ATXN7L1: variants seen among roughly 807,000 people sequenced by gnomAD.
ATXN7L1 encodes the protein ataxin-7-like protein 1.
A neutral mutation model predicts 70.8 loss-of-function variants in ATXN7L1; 15 were observed. The ratio of observed to expected loss-of-function variants is 0.21; its 90% CI spans 0.14 to 0.33. The LOEUF is 0.33. Ranked by LOEUF, ATXN7L1 falls within the 10% of genes least tolerant of loss-of-function variation. ATXN7L1 has a pLI of 1.00. For synonymous variants in ATXN7L1, 440 were observed against 445.1 expected, an observed-to-expected ratio of 0.99 and a Z score of 0.14; for missense variants, 975 against 1,097.1, an observed-to-expected ratio of 0.89 and a Z score of 1.57.
intron 4 of ATXN7L1, among the ~76,000 whole-genome samples, chr7:105,648,535 A>G (rs1443030782): frequency 2.0e-5 from 3 of 152,370 alleles, no homozygotes; most frequent in East Asian, 3.9e-4. Flanking sequence ...TGGAAAGCCA[A>G]TCCCAGAGAT....
At chr7:105,792,688 A>T (rs760110248) in intron 2 of ATXN7L1, among the ~76,000 whole-genome samples, 1 of 152,150 alleles carries the variant, frequency 6.6e-6, no homozygotes, top group African/African-American at 2.4e-5. Flanking sequence ...TTCCAATTTC[A>T]TGTTTAGTGT....
At chr7:105,637,030 T>C (rs1797492023) in intron 7 of ATXN7L1, among the ~76,000 whole-genome samples, 1 of 152,168 alleles carries the variant, frequency 6.6e-6, no homozygotes, top group Non-Finnish European at 1.5e-5. Context: ...CACATGACAG[T>C]GAGAAGTCAT....
intron 7 of ATXN7L1, among the ~76,000 whole-genome samples, chr7:105,628,800 TAAATAAATA>T (rs1796135909): frequency 1.7e-5 from 1 of 59,948 alleles, no homozygotes; most frequent in Admixed American, 1.5e-4. Flanking sequence ...CTCAAATAAA[TAAATAAATA>T]AATAAATAAA....
At position 105,737,528 on chromosome 7, in the gene ATXN7L1, C is replaced by CGTGTGTGTGTGTGT. The variant is rs71520935; in HGVS notation, c.355+51062_355+51075dup. ...CTAGCATGCTGCCTACTAACGTCCC[C>CGTGTGTGTGTGTGT]GTGTGTGTGTGTGTGTGTGTGTGTG... On this transcript the variant is annotated intron_variant, in intron 3 of 11. Transcript: ENST00000419735. Among the ~76,000 whole-genome samples the CGTGTGTGTGTGTGT allele has an allele frequency of 6.9e-4, 103 of 148,718 alleles. 1 individual carries two copies. Among genetic ancestry groups the CGTGTGTGTGTGTGT allele is most frequent in the African/African-American group, 2.0e-3 (82 of 40,654 alleles).
At chr7:105,840,140 C>T (rs1812989142) in intron 2 of ATXN7L1, among the ~76,000 whole-genome samples, 1 of 152,166 alleles carries the variant, frequency 6.6e-6, no homozygotes, top group Non-Finnish European at 1.5e-5. Context: ...ACAAGGGCCA[C>T]AGTGAGGGGC....
chr7:105,809,010 G>A (rs1019862163), intron 2 of ATXN7L1, among the ~76,000 whole-genome samples: 2 of 152,192 alleles, frequency 1.3e-5, no homozygotes, highest in African/African-American at 4.8e-5. Context: ...CCAAAGAAGC[G>A]TGGATGCACC....
intron 2 of ATXN7L1, among the ~76,000 whole-genome samples, chr7:105,861,417 T>G (rs1319220408): frequency 1.4e-4 from 15 of 105,210 alleles, no homozygotes; most frequent in Admixed American, 2.1e-4. Flanking sequence ...GGGATGGGGG[T>G]GGGGGAGTGG....
intron 10 of ATXN7L1, 48 bp downstream of exon 10, chr7:105,613,813 TC>T: frequency 1.3e-6 from 2 of 1,551,300 alleles, no homozygotes; most frequent in Non-Finnish European, 1.7e-6. Flanking sequence ...GCTGCCCAGC[TC>T]CCCCTGCCCC....
At chr7:105,807,147 C>T (rs939470674) in intron 2 of ATXN7L1, among the ~76,000 whole-genome samples, 1 of 152,178 alleles carries the variant, frequency 6.6e-6, no homozygotes, top group African/African-American at 2.4e-5. Flanking sequence ...TTTCTGCTGC[C>T]CCACCACAAT....
chr7:105,709,835 T>G (rs1793655292), intron 3 of ATXN7L1, among the ~76,000 whole-genome samples: 1 of 152,090 alleles, frequency 6.6e-6, no homozygotes, highest in Non-Finnish European at 1.5e-5. Flanking sequence ...TCTCCTGATC[T>G]TCTGGTTTCC....
intron 2 of ATXN7L1, among the ~76,000 whole-genome samples, chr7:105,813,584 G>A (rs1327554835): frequency 2.0e-5 from 3 of 152,024 alleles, no homozygotes; most frequent in African/African-American, 7.2e-5. Flanking sequence ...TGATCCACCC[G>A]CCTCGGCCTC....
chr7:105,722,213 G>A (rs1261183731), intron 3 of ATXN7L1, among the ~76,000 whole-genome samples: 1 of 152,154 alleles, frequency 6.6e-6, no homozygotes, highest in Non-Finnish European at 1.5e-5. Flanking sequence ...CTGGGACTAT[G>A]TGTGTACACG....
At chr7:105,635,160 G>A (rs1222372259) in intron 7 of ATXN7L1, among the ~76,000 whole-genome samples, 1 of 152,194 alleles carries the variant, frequency 6.6e-6, no homozygotes, top group East Asian at 1.9e-4. Context: ...CAGATTTTGT[G>A]GCACCAGCTT....
At chr7:105,608,438 C>T (rs935277651) in intron 11 of ATXN7L1, among the ~76,000 whole-genome samples, 1 of 152,158 alleles carries the variant, frequency 6.6e-6, no homozygotes, top group African/African-American at 2.4e-5. Context: ...GCACGTAGCC[C>T]TCTCTCTGCA....
chr7:105,802,266 G>A (rs1025059090), intron 2 of ATXN7L1, among the ~76,000 whole-genome samples: 1 of 152,014 alleles, frequency 6.6e-6, no homozygotes, highest in African/African-American at 2.4e-5. Context: ...CCATACCTCA[G>A]TAAACCGATC....
chr7:105,791,338 CT>C (rs1805200937), intron 2 of ATXN7L1, among the ~76,000 whole-genome samples: 1 of 152,186 alleles, frequency 6.6e-6, no homozygotes, highest in Non-Finnish European at 1.5e-5. Context: ...CACACACTGT[CT>C]TCTGGGAGTT....
chr7:105,759,589 G>A (rs941271180), intron 3 of ATXN7L1, among the ~76,000 whole-genome samples: 28 of 151,878 alleles, frequency 1.8e-4, no homozygotes, highest in African/African-American at 6.8e-4. Flanking sequence ...ATGTGTGATA[G>A]CTCAGATAGG....
intron 3 of ATXN7L1, among the ~76,000 whole-genome samples, chr7:105,752,149 T>C (rs1463900232): frequency 1.3e-5 from 2 of 152,128 alleles, no homozygotes; most frequent in African/African-American, 4.8e-5. Context: ...GGAAGAACAA[T>C]TGCGAATTCA....
At chr7:105,761,163 G>C in intron 3 of ATXN7L1, 1 of 1,266,408 alleles carries the variant, frequency 7.9e-7, no homozygotes, top group Non-Finnish European at 9.9e-7. Flanking sequence ...TGGTGAAAAT[G>C]AAGAGAAGAA....
Sources: allele counts gnomAD v4.1 joint callset (sites outside exome capture counted in the v4.1 genomes callset), GRCh38; gene constraint gnomAD v4.1.1; transcripts MANE v1.5; gene names NCBI Gene and HGNC (gene_info 2026-07-23, HGNC 2026-07-21).